Variants in PPP2R5C observed in about 807,000 individuals in gnomAD.
PPP2R5C encodes serine/threonine-protein phosphatase 2A 56 kDa regulatory subunit gamma isoform.
Under a neutral mutation model 68.9 loss-of-function variants are expected in PPP2R5C, and 7 were observed. The observed-to-expected ratio is 0.10, with a 90% CI of 0.06 to 0.19. The LOEUF is 0.19. Among genes scored for constraint, PPP2R5C ranks in the 10% least tolerant of loss-of-function variants. The probability of loss-of-function intolerance (pLI) is 1.00; values close to 1 mark genes in which losing one functional copy is unlikely to be tolerated. For synonymous variants in PPP2R5C, 210 were observed against 222.2 expected (o/e 0.95, Z 0.49); for missense variants, 348 against 641.3 (o/e 0.54, Z 4.94).
chr14:101,761,957 G>A, intron 1 of PPP2R5C, 37 bp downstream of exon 1: 1 of 1,191,944 alleles, frequency 8.4e-7, no homozygotes, highest in Non-Finnish European at 1.1e-6. Context: ...GAGGGAGCAG[G>A]GAGGGACTGC....
intron 10 of PPP2R5C, among the ~76,000 whole-genome samples, chr14:101,908,416 C>T (rs866458274): frequency 2.0e-5 from 3 of 152,140 alleles, no homozygotes; most frequent in African/African-American, 7.2e-5. Context: ...CTCTGTCACC[C>T]AGACTGGAGT....
intron 1 of PPP2R5C, among the ~76,000 whole-genome samples, chr14:101,852,802 T>C (rs1359599863): frequency 6.6e-6 from 1 of 152,168 alleles, no homozygotes; most frequent in African/African-American, 2.4e-5. Flanking sequence ...CCACCTTCTT[T>C]CTGTCATTTT....
At chr14:101,772,953 G>C (rs1024972139) in intron 2 of PPP2R5C, among the ~76,000 whole-genome samples, 8 of 152,228 alleles carry the variant, frequency 5.3e-5, no homozygotes, top group African/African-American at 1.7e-4. Context: ...CAATGTGGCA[G>C]AGGCTGGGCT....
Position 101,835,654 on chromosome 14 carries a change from G to A in PPP2R5C, c.95-21032G>A, listed in dbSNP as rs574870790. On this transcript the variant is annotated intron_variant, in intron 1 of 13. Transcript: ENST00000334743. The surrounding 1 kb of genome is among the most constrained non-coding windows in gnomAD (Gnocchi z 5.0). ...CTTGTTAAGGCATCTGAGGTCTCCC[G>A]GGGGACAGACACAGTCTTCATCTTG... 1.4e-4 allele frequency among the ~76,000 whole-genome samples: 21 copies of A among 152,334 alleles called. No individual in the cohort carries two copies. The highest frequency in any genetic ancestry group is 2.5e-4 in the Non-Finnish European group (17 of 68,030).
At chr14:101,804,368 G>T (rs556583616) in intron 3 of PPP2R5C, among the ~76,000 whole-genome samples, 89 of 152,188 alleles carry the variant, frequency 5.8e-4, no homozygotes, top group African/African-American at 2.1e-3. Flanking sequence ...CCCACTGCTG[G>T]GTACATACCA....
At chr14:101,812,580 TG>T (rs1304788847) in intron 1 of PPP2R5C, among the ~76,000 whole-genome samples, 3 of 152,380 alleles carry the variant, frequency 2.0e-5, no homozygotes, top group African/African-American at 7.2e-5. Context: ...AAAATAGGAA[TG>T]TTGGCTGCTT....
At chr14:101,910,239 C>T (rs181333063) in intron 11 of PPP2R5C, among the ~76,000 whole-genome samples, 2 of 152,240 alleles carry the variant, frequency 1.3e-5, no homozygotes, top group Admixed American at 6.5e-5. Context: ...CTAGGCTGTG[C>T]AAGTAATAAT....
intron 2 of PPP2R5C, among the ~76,000 whole-genome samples, chr14:101,871,910 C>T (rs2053420937): frequency 6.6e-6 from 1 of 152,138 alleles, no homozygotes; most frequent in Non-Finnish European, 1.5e-5. Flanking sequence ...TCTCCTCTCC[C>T]AGCCTTTCCG....
chr14:101,836,152 G>C (rs2041081347), intron 1 of PPP2R5C: 1 of 686,252 alleles, frequency 1.5e-6, no homozygotes, highest in African/African-American at 1.8e-5. Context: ...GCAGCTGAAA[G>C]GTTTTTTTTT....
chr14:101,920,721 A>T lies in PPP2R5C; in HGVS notation c.1443+2774A>T, dbSNP rs2046954180. Among the ~76,000 whole-genome samples the T allele has an allele frequency of 1.3e-5, 2 of 152,236 alleles. 1 individual carries two copies. The highest frequency in any genetic ancestry group is 4.8e-5 in the African/African-American group (2 of 41,456). ...AGCCAAAACAACTGTGAAAAAGAAC[A>T]AAGTTGGAAGACTAATAATACTATG... On this transcript the variant is annotated intron_variant, in intron 13 of 13. Coordinates refer to ENST00000334743, the Ensembl canonical transcript of PPP2R5C.
intron 1 of PPP2R5C, among the ~76,000 whole-genome samples, chr14:101,851,360 G>A (rs2042143574): frequency 6.6e-6 from 1 of 152,164 alleles, no homozygotes; most frequent in African/African-American, 2.4e-5. Flanking sequence ...GAGCCTGGAA[G>A]GTCAAGGTTG....
intron 10 of PPP2R5C, among the ~76,000 whole-genome samples, chr14:101,907,955 G>C (rs920162348): frequency 6.6e-6 from 1 of 152,176 alleles, no homozygotes; most frequent in Non-Finnish European, 1.5e-5. Context: ...CAAGTCTTCT[G>C]AGGGTTGCCG....
intron 2 of PPP2R5C, among the ~76,000 whole-genome samples, chr14:101,860,449 A>C (rs374009553): frequency 6.6e-6 from 1 of 152,162 alleles, no homozygotes; most frequent in African/African-American, 2.4e-5. Context: ...GTTGATGGAC[A>C]CTATATTATG....
intron 2 of PPP2R5C, among the ~76,000 whole-genome samples, chr14:101,768,279 T>C (rs1436554056): frequency 2.0e-5 from 3 of 152,232 alleles, no homozygotes; most frequent in African/African-American, 4.8e-5. Flanking sequence ...CTGGCACATA[T>C]TCATCTGAGC....
rs2046684437 is a variant in PPP2R5C, at chr14:101,916,624, G to A, written c.1327-1207G>A. On this transcript the variant is annotated intron_variant, in intron 12 of 13. Coordinates refer to ENST00000334743, the Ensembl canonical transcript of PPP2R5C. This position sits in a 1 kb window ranked among gnomAD's most constrained non-coding sequence, Gnocchi z 5.5. ...ACCCATAGGCCTCATGCCAGAGGTG[G>A]CTCCGTCAGAGGATGAGGGCCAACA... Among the ~76,000 whole-genome samples the A allele has an allele frequency of 6.6e-6, 1 of 151,590 alleles. No individual in the cohort carries two copies. Among genetic ancestry groups the A allele is most frequent in the Admixed American group, 6.6e-5 (1 of 15,218 alleles).
At chr14:101,780,302 C>T (rs975907616) in intron 2 of PPP2R5C, among the ~76,000 whole-genome samples, 4 of 152,144 alleles carry the variant, frequency 2.6e-5, no homozygotes, top group African/African-American at 4.8e-5. Context: ...ATCAGGTACA[C>T]ACATTACACT....
At chr14:101,779,884 A>G (rs1269959211) in intron 2 of PPP2R5C, among the ~76,000 whole-genome samples, 1 of 152,172 alleles carries the variant, frequency 6.6e-6, no homozygotes, top group Non-Finnish European at 1.5e-5. Context: ...TGTCTGGTCT[A>G]TAGAGGCTGG....
chr14:101,836,059 C>A, intron 1 of PPP2R5C: 2 of 607,056 alleles, frequency 3.3e-6, no homozygotes, highest in Non-Finnish European at 2.9e-6. Context: ...AGATAAAATA[C>A]AATGGGAAAT....
chr14:101,906,456 A>T lies in PPP2R5C; in HGVS notation c.1078A>T (p.Ser360Cys). 2 of 1,613,342 alleles carry T rather than the reference A, an allele frequency of 1.2e-6. No individual in the cohort carries two copies. The highest frequency in any genetic ancestry group is 1.7e-6 in the Non-Finnish European group (2 of 1,179,782). The change falls in exon 10 of 14, where the codon AGT (serine) becomes TGT (cysteine). Residue 360 changes from serine to cysteine, a missense_variant. This residue lies in a region of PPP2R5C where 101 missense variants were observed against 209.8 expected (regional missense o/e 0.48). Transcript: ENST00000334743. This position sits in a 1 kb window ranked among gnomAD's most constrained non-coding sequence, Gnocchi z 4.0. ...TAATGAATACATCATGAGTTTAATC[A>T]GTGACAACGCAGCGAAGATTCTGCC...
Sources: gnomAD v4.1 joint callset for allele counts (sites outside exome capture counted in the v4.1 genomes callset) on GRCh38, gnomAD v4.1.1 for gene constraint, gnomAD v4.1.1 regional missense constraint, Gnocchi (gnomAD v3.1) non-coding constraint, MANE v1.5 for transcripts, NCBI Gene and HGNC (gene_info 2026-07-23, HGNC 2026-07-21) for gene names.